The following TBC1D26 variants were observed in gnomAD, a reference collection of about 807,000 sequenced individuals.
TBC1D26 encodes TBC1 domain family, member 26.
In TBC1D26, 19 loss-of-function variants were observed where a neutral mutation model predicts 42.5. The observed-to-expected ratio is 0.45, with a 90% CI of 0.31 to 0.66. The LOEUF (loss-of-function observed/expected upper bound fraction) is 0.66, where lower values mean the gene tolerates loss of function less well. TBC1D26 is among the 30% of genes least tolerant of loss of function. The pLI is 0.06. For synonymous variants in TBC1D26, 97 were observed against 123.5 expected (o/e 0.79, Z 1.42); for missense variants, 228 against 332.6 (o/e 0.69, Z 2.45).
intron 9 of TBC1D26, chr17:15,740,369 C>G: frequency 6.8e-7 from 1 of 1,468,432 alleles, no homozygotes; most frequent in South Asian, 1.4e-5. Context: ...CGACCTTCCC[C>G]TCCTGGTGTT....
In TBC1D26 at chr17:15,734,987, T is replaced by C. The variant is rs1186119767; in HGVS notation, c.-85T>C. 6 of 337,256 alleles carry C rather than the reference T, an allele frequency of 1.8e-5. No homozygotes were observed. Among genetic ancestry groups the C allele is most frequent in the African/African-American group, 4.1e-5 (2 of 48,312 alleles). 20.9% of individuals were successfully genotyped at this position (337,256 alleles called of 1,614,324 possible). On this transcript the variant is annotated 5_prime_UTR_variant, in exon 2 of 15. Transcript: ENST00000437605. ...CCTATAGAGACATCCAGTCCCTGAC[T>C]CCACCTGCCTCCAGGTGCCCAGAAC... is the stretch of plus-strand genomic sequence containing the variant.
At position 15,737,324 on chromosome 17, in the gene TBC1D26, C is replaced by T. The variant is rs201407954; in HGVS notation, c.159-160C>T. On this transcript the variant is annotated intron_variant, in intron 4 of 14. Transcript: ENST00000437605. ...CAAGGTCCCAGTGCCTTGCTAGTGT[C>T]AGATCCGCAGGGAGGCCCTTGCCTT... 1.5e-4 allele frequency among the ~76,000 whole-genome samples: 23 copies of T among 152,358 alleles called. No individual in the cohort carries two copies. In the East Asian group the frequency reaches 4.0e-3, roughly 27 times the overall value.
intron 8 of TBC1D26, among the ~76,000 whole-genome samples, chr17:15,739,066 GA>G (rs1004944004): frequency 7.0e-6 from 1 of 142,874 alleles, no homozygotes; most frequent in African/African-American, 2.6e-5. Flanking sequence ...ACGGAAGGCA[GA>G]AAAAAAAAGA....
At chr17:15,740,538 C>A in intron 9 of TBC1D26, 9 of 1,183,698 alleles carry the variant, frequency 7.6e-6, no homozygotes, top group Non-Finnish European at 8.4e-6. Context: ...TGGCAAGGAT[C>A]CAATTTCCCC....
chr17:15,738,848 T>C lies in TBC1D26; in HGVS notation c.497+18T>C. The stretch of plus-strand genomic sequence containing the variant: ...GGAGTCAAGTAAGGCCAATGGGGCT[T>C]GCAGGGGTCCCAGGGAAGATGGGGC... On this transcript the variant is annotated intron_variant, in intron 8 of 14. Transcript: ENST00000437605. The C allele has an allele frequency of 6.2e-7, 1 of 1,611,098 alleles. No homozygotes were observed.
At chr17:15,743,604 T>A in intron 14 of TBC1D26, 88 bp downstream of exon 14, 1 of 376,214 alleles carries the variant, frequency 2.7e-6, no homozygotes. Context: ...CCCTCCTACC[T>A]GGTCTTCCTC....
chr17:15,740,615 G>T, intron 9 of TBC1D26: 3 of 1,085,962 alleles, frequency 2.8e-6, no homozygotes, highest in Non-Finnish European at 3.4e-6. Context: ...GTTCCTGCTT[G>T]GCCCCCACTT....
chr17:15,734,754 G>A (rs1056801236), intron 1 of TBC1D26, 176 bp from the exon 2 acceptor site: 32 of 172,540 alleles, frequency 1.9e-4, no homozygotes, highest in Non-Finnish European at 3.5e-4. Context: ...GGTGTCCACC[G>A]TCCTCGACCT....
chr17:15,742,015 CCCAAAGAT>C lies in TBC1D26; in HGVS notation c.722_729del (p.Pro241HisfsTer12), dbSNP rs768333815. On this transcript the variant is annotated frameshift_variant, in exon 11 of 15. Coordinates refer to ENST00000437605, the MANE Select transcript of TBC1D26 (RefSeq NM_001388465.1). LOFTEE classifies it high-confidence loss of function. ...AGGAGCAGGTGCTGCACAAGTCCTTCCCAAAGATCATGAGACACCTGGTGAGTGGATGA... is the reference window on the plus strand; with the variant it reads ...AGGAGCAGGTGCTGCACAAGTCCTTCCATGAGACACCTGGTGAGTGGATGA... 5.0e-6 allele frequency: 8 copies of C among 1,614,028 alleles called. No individual in the cohort carries two copies. Among genetic ancestry groups the C allele is most frequent in the Non-Finnish European group, 6.8e-6 (8 of 1,179,984 alleles).
intron 1 of TBC1D26, chr17:15,734,104 T>C (rs1967547940): frequency 1.3e-5 from 2 of 151,916 alleles, no homozygotes; most frequent in South Asian, 4.2e-4. Flanking sequence ...ATGTGTAGAG[T>C]CAGAGAGGCG....
At chr17:15,738,248 C>T (rs1256430229) in intron 6 of TBC1D26, 32 bp from the exon 7 acceptor site, 13 of 1,613,154 alleles carry the variant, frequency 8.1e-6, no homozygotes, top group Non-Finnish European at 1.1e-5. Context: ...CGCCCCATGT[C>T]CTTTCTCACT....
At chr17:15,740,913 C>A in intron 9 of TBC1D26, 1 of 680,680 alleles carries the variant, frequency 1.5e-6, no homozygotes, top group Non-Finnish European at 2.4e-6. Flanking sequence ...CAGGAGTCCC[C>A]CCATGCTCCT....
chr17:15,741,283 A>C, intron 10 of TBC1D26, 62 bp downstream of exon 10: 1 of 1,608,670 alleles, frequency 6.2e-7, no homozygotes, highest in Non-Finnish European at 8.5e-7. Context: ...CAGCCATGCC[A>C]GGGGACAGCC....
In TBC1D26 at chr17:15,738,029, G is replaced by T. The variant is rs746112295; in HGVS notation, c.231G>T (p.Lys77Asn). ...QRRKESKRTN[K>N]WQKMLADWTK... The stretch of plus-strand genomic sequence containing the variant: ...GCAAGGAAAGTAAACGTACCAACAA[G>T]TGGCAAAAGATGCTTGCAGACTGGA... The change falls in exon 6 of 15, where the codon AAG (lysine) becomes AAT (asparagine). Residue 77 changes from lysine (K) to asparagine (N), a missense_variant. By Grantham distance (94) the Lys-to-Asn change is moderately conservative. Coordinates refer to ENST00000437605, the MANE Select transcript of TBC1D26 (RefSeq NM_001388465.1). 9 of 1,614,070 alleles carry T rather than the reference G, an allele frequency of 5.6e-6. No individual in the cohort carries two copies. The Admixed American group carries it at 1.5e-4, about 27-fold the overall frequency.
rs1285753358 is a variant in TBC1D26 at position 15,744,361 on chromosome 17, G to A, written c.1176G>A (p.Lys392=). The change falls in exon 15 of 15, where the codon AAG becomes AAA. Residue 392 remains lysine (K), a synonymous_variant. Coordinates refer to ENST00000437605, the MANE Select transcript of TBC1D26 (RefSeq NM_001388465.1). The part of the protein sequence containing the change: ...SGDFHAHPSQ[K]ALLNPGCHLP... ...ACTTTCATGCACACCCAAGTCAGAA[G>A]GCTCTCCTGAATCCTGGATGTCACC... is the stretch of plus-strand genomic sequence containing the variant. 6.6e-6 allele frequency: 1 copy of A among 152,196 alleles called. No homozygotes were observed. Among genetic ancestry groups the A allele is most frequent in the Non-Finnish European group, 1.5e-5 (1 of 68,036 alleles). 9.4% of individuals were successfully genotyped at this position (152,196 alleles called of 1,614,324 possible). A position where few individuals can be genotyped will look rare whatever the true frequency, so the allele number is the denominator to read the frequency against.
intron 10 of TBC1D26, 110 bp downstream of exon 10, chr17:15,741,331 T>C (rs1362037543): frequency 1.6e-5 from 25 of 1,571,146 alleles, no homozygotes; most frequent in African/African-American, 2.7e-5. Flanking sequence ...GCAAGGTGCC[T>C]GCCTTGTATC....
At chr17:15,732,848 G>A (rs1454411929) in intron 1 of TBC1D26, among the ~76,000 whole-genome samples, 3 of 152,184 alleles carry the variant, frequency 2.0e-5, no homozygotes, top group Admixed American at 6.5e-5. Flanking sequence ...CAGACTTCAC[G>A]TGCGGTCACT....
chr17:15,741,078 T>G, intron 9 of TBC1D26, 44 bp from the exon 10 acceptor site: 1 of 1,601,054 alleles, frequency 6.2e-7, no homozygotes, highest in South Asian at 1.1e-5. Context: ...GTGGCCTCAG[T>G]CCTCCTAGGT....
Position 15,741,998 on chromosome 17 carries a change from G to T in TBC1D26, c.703G>T (p.Val235Leu). 6.2e-7 allele frequency: 1 copy of T among 1,614,072 alleles called. No homozygotes were observed. Among genetic ancestry groups the T allele is most frequent in the Non-Finnish European group, 8.5e-7 (1 of 1,179,996 alleles). ...GAGGCTCCTATCGCACCAGGAGCAGGTGCTGCACAAGTCCTTCCCAAAGAT... is the reference window on the plus strand; with the variant it reads ...GAGGCTCCTATCGCACCAGGAGCAGTTGCTGCACAAGTCCTTCCCAAAGAT... ...LERLLSHQEQ[V>L]LHKSFPKIMR... The change falls in exon 11 of 15, where the codon GTG becomes TTG. Residue 235 changes from valine to leucine, a missense_variant. Around this residue, in one of 5 missense-constraint regions of TBC1D26, gnomAD observed 130 missense variants for 168.5 expected, o/e 0.77. Coordinates refer to ENST00000437605, the MANE Select transcript of TBC1D26 (RefSeq NM_001388465.1).
Sources: gnomAD v4.1 joint callset for allele counts (sites outside exome capture counted in the v4.1 genomes callset) on GRCh38, gnomAD v4.1.1 for gene constraint, gnomAD v4.1.1 regional missense constraint, MANE v1.5 for transcripts, NCBI Gene and HGNC (gene_info 2026-07-23, HGNC 2026-07-21) for gene names.